The following AGBL4 variants were observed in gnomAD, a reference collection of about 807,000 sequenced individuals.
AGBL4 encodes the protein cytosolic carboxypeptidase 6.
AGBL4 carries 58 observed loss-of-function variants against 66.4 expected under a neutral mutation model. The ratio of observed to expected loss-of-function variants is 0.87; its 90% CI spans 0.71 to 1.09. The LOEUF (loss-of-function observed/expected upper bound fraction) is 1.09. Among genes scored for constraint, AGBL4 ranks in the 50% least tolerant of loss-of-function variants. AGBL4 has a pLI of 0.00. For missense variants in AGBL4, 579 were observed against 631.0 expected (o/e 0.92, Z 0.88); for synonymous variants, 234 against 222.9 (o/e 1.05, Z -0.44).
At chr1:48,548,793 T>C (rs140110204) in intron 11 of AGBL4, among the ~76,000 whole-genome samples, 330 of 152,338 alleles carry the variant, frequency 2.2e-3, no homozygotes, top group African/African-American at 7.5e-3. Context: ...GCAGCTCTGA[T>C]TACCATCTCC....
At chr1:49,471,429 A>G (rs1276342176) in intron 3 of AGBL4, among the ~76,000 whole-genome samples, 1 of 151,972 alleles carries the variant, frequency 6.6e-6, no homozygotes, top group Non-Finnish European at 1.5e-5. Flanking sequence ...GAGCACATGT[A>G]TGTTTCCCTA....
intron 4 of AGBL4, among the ~76,000 whole-genome samples, chr1:49,233,754 C>A (rs182347905): frequency 6.6e-6 from 1 of 152,220 alleles, no homozygotes. Flanking sequence ...TGAATTCATT[C>A]AATCATTTAA....
intron 3 of AGBL4, among the ~76,000 whole-genome samples, chr1:49,257,039 G>GTT (rs1039799335): frequency 6.9e-6 from 1 of 144,330 alleles, no homozygotes; most frequent in Admixed American, 6.9e-5. Context: ...AGTATGTACA[G>GTT]TTTTTTTTTT....
chr1:49,400,232 T>C (rs1469067683), intron 3 of AGBL4, among the ~76,000 whole-genome samples: 1 of 152,216 alleles, frequency 6.6e-6, no homozygotes, highest in African/African-American at 2.4e-5. Flanking sequence ...TATGTTCCAC[T>C]GGTCTATTAT....
At chr1:49,850,807 T>C (rs988604181) in intron 2 of AGBL4, among the ~76,000 whole-genome samples, 2 of 152,136 alleles carry the variant, frequency 1.3e-5, no homozygotes, top group East Asian at 3.8e-4. Context: ...ATTCTGAGTC[T>C]CTACTGTGTG....
chr1:50,001,133 T>C (rs1660720835), intron 1 of AGBL4, among the ~76,000 whole-genome samples: 1 of 151,632 alleles, frequency 6.6e-6, no homozygotes, highest in Non-Finnish European at 1.5e-5. Context: ...TATATATGTC[T>C]GTATATGTGG....
chr1:49,846,604 A>G (rs544390475), intron 2 of AGBL4, among the ~76,000 whole-genome samples: 1 of 152,336 alleles, frequency 6.6e-6, no homozygotes, highest in Admixed American at 6.5e-5. Flanking sequence ...TAAATATTTT[A>G]ATTTCAATCT....
chr1:49,061,688 T>C (rs556206250), intron 4 of AGBL4, among the ~76,000 whole-genome samples: 1 of 152,000 alleles, frequency 6.6e-6, no homozygotes, highest in South Asian at 2.1e-4. Flanking sequence ...AAGTCAGAGG[T>C]AAGGGCAAAG....
intron 4 of AGBL4, among the ~76,000 whole-genome samples, chr1:49,210,011 T>C (rs1387138408): frequency 2.0e-5 from 3 of 152,054 alleles, no homozygotes; most frequent in African/African-American, 7.2e-5. Context: ...CAAAAAGTGG[T>C]TTATGTTCAA....
At chr1:48,699,492 A>G (rs1646767841) in intron 6 of AGBL4, among the ~76,000 whole-genome samples, 1 of 152,232 alleles carries the variant, frequency 6.6e-6, no homozygotes, top group Non-Finnish European at 1.5e-5. Flanking sequence ...AACTACCAGC[A>G]TCTGTACCTG....
intron 6 of AGBL4, among the ~76,000 whole-genome samples, chr1:48,679,632 T>C (rs1646422773): frequency 6.6e-6 from 1 of 152,212 alleles, no homozygotes; most frequent in Non-Finnish European, 1.5e-5. Context: ...AGACTGATAA[T>C]CAGACTCACT....
intron 6 of AGBL4, among the ~76,000 whole-genome samples, chr1:48,796,586 T>C (rs1362556047): frequency 2.0e-5 from 3 of 152,182 alleles, no homozygotes; most frequent in African/African-American, 7.2e-5. Context: ...TAAATATACA[T>C]AGTTGGGCAC....
intron 3 of AGBL4, among the ~76,000 whole-genome samples, chr1:49,679,525 G>A (rs1646647583): frequency 6.6e-6 from 1 of 151,926 alleles, no homozygotes; most frequent in Admixed American, 6.6e-5. Flanking sequence ...GCCAATTTCT[G>A]CTTTTTAATT....
At chr1:49,066,639 AG>A (rs1275531588) in intron 4 of AGBL4, among the ~76,000 whole-genome samples, 1 of 152,236 alleles carries the variant, frequency 6.6e-6, no homozygotes, top group Non-Finnish European at 1.5e-5. Context: ...ATTTTGAGAA[AG>A]GGTGTGGAAG....
At chr1:49,188,247 C>T (rs1306257676) in intron 4 of AGBL4, among the ~76,000 whole-genome samples, 5 of 152,082 alleles carry the variant, frequency 3.3e-5, no homozygotes, top group Non-Finnish European at 7.4e-5. Context: ...CTCCTCCTTC[C>T]TCTGCCAGAG....
chr1:49,044,356 T>G (rs1242567834), intron 5 of AGBL4, among the ~76,000 whole-genome samples: 1 of 151,704 alleles, frequency 6.6e-6, no homozygotes, highest in Non-Finnish European at 1.5e-5. Context: ...ATTAGCTGGG[T>G]GTGGTGGCTG....
At position 48,662,547 on chromosome 1, in the gene AGBL4, G is replaced by T. The variant is rs567998503; in HGVS notation, c.724+605C>A. 3.9e-5 allele frequency among the ~76,000 whole-genome samples: 6 copies of T among 152,258 alleles called. No homozygotes were observed. In the East Asian group the frequency reaches 1.2e-3, roughly 29 times the overall value. ...TTGCTCAACAATATACATATATATT[G>T]CTGACTATAGCTGACTAAATGTAGT... On this transcript the variant is annotated intron_variant, in intron 7 of 13. Transcript: ENST00000371839.
intron 11 of AGBL4, among the ~76,000 whole-genome samples, chr1:48,544,111 G>T (rs1644121022): frequency 6.6e-6 from 1 of 152,208 alleles, no homozygotes; most frequent in Non-Finnish European, 1.5e-5. Context: ...TGTACTGCAG[G>T]CTCACTGGGC....
At chr1:49,329,435 G>GT (rs1645287562) in intron 3 of AGBL4, among the ~76,000 whole-genome samples, 2 of 152,200 alleles carry the variant, frequency 1.3e-5, no homozygotes, top group Non-Finnish European at 2.9e-5. Context: ...GGAGGCTGAG[G>GT]CGGGTGGATT....
Sources: allele counts gnomAD v4.1 joint callset (sites outside exome capture counted in the v4.1 genomes callset), GRCh38; gene constraint gnomAD v4.1.1; transcripts MANE v1.5; gene names NCBI Gene and HGNC (gene_info 2026-07-23, HGNC 2026-07-21).